ATAD2B: variants seen among roughly 807,000 people sequenced by gnomAD.
ATAD2B encodes ATPase family AAA domain-containing protein 2B.
Under a neutral mutation model 167.6 loss-of-function variants are expected in ATAD2B, and 40 were observed. That is an observed-to-expected ratio of 0.24 (90% CI 0.19 to 0.31). The LOEUF is 0.31. Ranked by LOEUF, ATAD2B falls within the 10% of genes least tolerant of loss-of-function variation. The pLI is 1.00. For missense variants in ATAD2B, 1,242 were observed against 1,757.2 expected (o/e 0.71, Z 5.24); for synonymous variants, 579 against 596.5 (o/e 0.97, Z 0.43).
At chr2:23,727,703 T>C in the ATAD2B span, among the ~76,000 whole-genome samples, 2 of 152,198 alleles carry the variant, frequency 1.3e-5, no homozygotes, top group Non-Finnish European at 2.9e-5. Flanking sequence ...GACTCTGGCA[T>C]ATCCATACAA....
chr2:23,716,511 C>T, the ATAD2B span, among the ~76,000 whole-genome samples: 2 of 152,190 alleles, frequency 1.3e-5, no homozygotes, highest in Non-Finnish European at 2.9e-5. Context: ...TCTGGCAGGC[C>T]TCCATCTAGC....
the ATAD2B span, among the ~76,000 whole-genome samples, chr2:23,723,349 G>A: frequency 6.7e-6 from 1 of 148,486 alleles, no homozygotes; most frequent in Non-Finnish European, 1.5e-5. Context: ...GAAAGGAAGG[G>A]GAGGGGATGG....
downstream of ATAD2B, among the ~76,000 whole-genome samples, chr2:23,746,333 A>T (rs777276909): frequency 2.6e-5 from 4 of 152,226 alleles, no homozygotes; most frequent in Non-Finnish European, 4.4e-5. Context: ...GATCTGTAAA[A>T]TGGGGATAAT....
chr2:23,866,424 A>G (rs556152411), intron 10 of ATAD2B, among the ~76,000 whole-genome samples: 1 of 152,324 alleles, frequency 6.6e-6, no homozygotes, highest in East Asian at 1.9e-4. Context: ...AAAAAAGAGA[A>G]AAAGAATTTA....
intron 8 of ATAD2B, among the ~76,000 whole-genome samples, chr2:23,874,683 G>C (rs1273103211): frequency 6.6e-6 from 1 of 151,184 alleles, no homozygotes; most frequent in Non-Finnish European, 1.5e-5. Context: ...GACAGAGCAA[G>C]ACCCTGTCTC....
At chr2:23,923,054 C>A (rs555868725) in intron 1 of ATAD2B, among the ~76,000 whole-genome samples, 11 of 152,322 alleles carry the variant, frequency 7.2e-5, no homozygotes, top group East Asian at 3.9e-4. Flanking sequence ...GACATCTGCA[C>A]TTCCATGTTC....
At chr2:23,691,717 C>T in the ATAD2B span, 2 of 1,551,810 alleles carry the variant, frequency 1.3e-6, no homozygotes, top group South Asian at 1.2e-5. Context: ...GAAGCTGGAG[C>T]TCGTCCTGTC....
intron 12 of ATAD2B, among the ~76,000 whole-genome samples, chr2:23,859,875 G>A (rs942451436): frequency 3.3e-5 from 5 of 151,886 alleles, no homozygotes; most frequent in South Asian, 2.1e-4. Flanking sequence ...GCTTGAACCC[G>A]GGAGACAGAA....
At chr2:23,719,354 C>T in the ATAD2B span, among the ~76,000 whole-genome samples, 1 of 152,144 alleles carries the variant, frequency 6.6e-6, no homozygotes, top group Admixed American at 6.5e-5. Context: ...GAAAAGCAAT[C>T]AAGAAAGCCA....
intron 1 of ATAD2B, among the ~76,000 whole-genome samples, chr2:23,899,754 C>T (rs1700575559): frequency 6.6e-6 from 1 of 151,896 alleles, no homozygotes; most frequent in Non-Finnish European, 1.5e-5. Flanking sequence ...CCACGCCCAG[C>T]TAATTTTTGT....
At chr2:23,774,697 CA>C (rs1212446748) in intron 22 of ATAD2B, among the ~76,000 whole-genome samples, 5 of 152,090 alleles carry the variant, frequency 3.3e-5, no homozygotes, top group Non-Finnish European at 7.3e-5. Flanking sequence ...GACAGGAGTT[CA>C]AGACCAGCCT....
chr2:23,681,001 C>A, the ATAD2B span, among the ~76,000 whole-genome samples: 6 of 152,342 alleles, frequency 3.9e-5, no homozygotes, highest in African/African-American at 1.4e-4. The surrounding 1 kb of genome is among the most constrained non-coding windows in gnomAD (Gnocchi z 4.2). Context: ...CACTTGGAAG[C>A]TTCTCAGAGA....
chr2:23,898,016 C>T (rs1050966941), intron 1 of ATAD2B, among the ~76,000 whole-genome samples: 1 of 152,212 alleles, frequency 6.6e-6, no homozygotes. Flanking sequence ...GTGATCATGG[C>T]TCACTGCAGC....
intron 13 of ATAD2B, among the ~76,000 whole-genome samples, chr2:23,835,483 T>C (rs1689778197): frequency 6.6e-6 from 1 of 152,168 alleles, no homozygotes; most frequent in South Asian, 2.1e-4. Context: ...AGAAAGTATA[T>C]TAGAAGTTGC....
intron 1 of ATAD2B, among the ~76,000 whole-genome samples, chr2:23,899,364 T>C (rs1015260647): frequency 1.5e-5 from 2 of 131,722 alleles, no homozygotes; most frequent in Admixed American, 7.5e-5. Context: ...AAAGAAAAAA[T>C]AATTGAAATT....
intron 23 of ATAD2B, among the ~76,000 whole-genome samples, chr2:23,764,886 G>C (rs1677203874): frequency 6.6e-6 from 1 of 152,170 alleles, no homozygotes; most frequent in Admixed American, 6.6e-5. Context: ...CCATTAGAGA[G>C]AACACTTCTA....
intron 8 of ATAD2B, chr2:23,872,173 G>A (rs1696088264): frequency 6.6e-6 from 2 of 300,948 alleles, no homozygotes; most frequent in Non-Finnish European, 1.3e-5. Context: ...ACCATGCCCA[G>A]CCTGTTTCTG....
chr2:23,875,913 G>A lies in ATAD2B; in HGVS notation c.902-9C>T, dbSNP rs1052897889. The A allele has an allele frequency of 7.6e-6, 12 of 1,570,238 alleles. No individual in the cohort carries two copies. Among genetic ancestry groups the A allele is most frequent in the Admixed American group, 3.5e-5 (2 of 57,662 alleles). ...TTTTTGATGAGCTGGTACTAAAAGG[G>A]AAGAAAAGGATAATAGAGAAATAAC... On this transcript the variant is annotated splice_polypyrimidine_tract_variant and intron_variant, in intron 7 of 27. Coordinates refer to ENST00000238789, the MANE Select transcript of ATAD2B (RefSeq NM_017552.4).
intron 13 of ATAD2B, among the ~76,000 whole-genome samples, chr2:23,842,132 G>T (rs1173618013): frequency 6.6e-6 from 1 of 151,956 alleles, no homozygotes. Context: ...ATATATTTGG[G>T]TTTAAATCTA....
Sources: gnomAD v4.1 joint callset for allele counts (sites outside exome capture counted in the v4.1 genomes callset) on GRCh38, gnomAD v4.1.1 for gene constraint, Gnocchi (gnomAD v3.1) non-coding constraint, MANE v1.5 for transcripts, NCBI Gene and HGNC (gene_info 2026-07-23, HGNC 2026-07-21) for gene names.